RPL4: variants seen among roughly 807,000 people sequenced by gnomAD.
RPL4 encodes the protein ribosomal protein L4.
RPL4 carries 3 observed loss-of-function variants against 47.7 expected under a neutral mutation model. The observed-to-expected ratio is 0.06, with a 90% CI of 0.03 to 0.16. RPL4 has a LOEUF of 0.16. Ranked by LOEUF, RPL4 falls within the 10% of genes least tolerant of loss-of-function variation. RPL4 has a pLI of 1.00. For synonymous variants in RPL4, 208 were observed against 182.1 expected, an observed-to-expected ratio of 1.14 and a Z score of -1.15; for missense variants, 413 against 551.3, an observed-to-expected ratio of 0.75 and a Z score of 2.51.
At position 66,504,815 on chromosome 15, in the gene RPL4, T is replaced by A. The variant is rs779273302; in HGVS notation, c.-25A>T. ...TGGCGGAGAGAGGAGACAGCCACGC[T>A]CCTCTCAGCCCGGCTGCTGCCACAG... is the stretch of plus-strand genomic sequence containing the variant. On this transcript the variant is annotated 5_prime_UTR_variant, in exon 1 of 10. Coordinates refer to ENST00000307961, the MANE Select transcript of RPL4 (RefSeq NM_000968.4). 4 of 1,610,086 alleles carry A rather than the reference T, an allele frequency of 2.5e-6. No homozygotes were observed. Among genetic ancestry groups the A allele is most frequent in the Admixed American group, 1.7e-5 (1 of 59,698 alleles).
chr15:66,499,937 T>C, intron 9 of RPL4, 119 bp downstream of exon 9: 1 of 1,268,988 alleles, frequency 7.9e-7, no homozygotes, highest in South Asian at 1.4e-5. Flanking sequence ...ACAGAAGAAC[T>C]GCTTGAACTT....
In RPL4 at chr15:66,503,503, C is replaced by T; in HGVS notation, c.30G>A (p.Val10=). 1.9e-6 allele frequency: 3 copies of T among 1,606,246 alleles called. No individual in the cohort carries two copies. Among genetic ancestry groups the T allele is most frequent in the Non-Finnish European group, 2.6e-6 (3 of 1,173,760 alleles). MACARPLIS[V]YSEKGESSGK... Reference sequence around the variant, plus strand: ...CAGATGACTCCCCCTTTTCGGAGTACACCGATATCAGTGGGCGAGCACACG... The same window carrying T: ...CAGATGACTCCCCCTTTTCGGAGTATACCGATATCAGTGGGCGAGCACACG... Residue 10 remains valine, a synonymous_variant, in exon 2 of 10, where the codon GTG becomes GTA. Coordinates refer to ENST00000307961, the MANE Select transcript of RPL4 (RefSeq NM_000968.4).
chr15:66,504,755 G>C (rs367993921), intron 1 of RPL4, 33 bp downstream of exon 1: 28 of 1,610,696 alleles, frequency 1.7e-5, no homozygotes, highest in Non-Finnish European at 2.3e-5. Context: ...CCCGAGATAC[G>C]GGGTAAGGCC....
At chr15:66,500,497 C>G in intron 7 of RPL4, 121 bp from the exon 8 acceptor site, 1 of 862,456 alleles carries the variant, frequency 1.2e-6, no homozygotes, top group South Asian at 1.6e-5. Context: ...TATCACTTCT[C>G]ATAAACATGG....
In RPL4 at chr15:66,503,083, C is replaced by T. The variant is rs774997920; in HGVS notation, c.257G>A (p.Arg86His). ...GTTTCCAAAAGCACCCTGGCCAGAG[C>T]GGTGAGTCCCACCACCTCGAACTCT... The part of the protein sequence containing the change: ...IPRVRGGGTH[R>H]SGQGAFGNMC... Residue 86 changes from arginine (R) to histidine (H), a missense_variant, in exon 3 of 10, where the codon CGC becomes CAC. By Grantham distance (29) the Arg-to-His change is conservative. Coordinates refer to ENST00000307961, the MANE Select transcript of RPL4 (RefSeq NM_000968.4). 12 of 1,613,732 alleles carry T rather than the reference C, an allele frequency of 7.4e-6. No homozygotes were observed. The highest frequency in any genetic ancestry group is 1.3e-5 in the African/African-American group (1 of 74,886).
chr15:66,504,731 C>A, intron 1 of RPL4, 57 bp downstream of exon 1: 1 of 1,604,500 alleles, frequency 6.2e-7, no homozygotes, highest in South Asian at 1.1e-5. Context: ...AACCCCAAAT[C>A]CTTCCTTACT....
chr15:66,502,054 G>A (rs1258931159), intron 4 of RPL4, 142 bp from the exon 5 acceptor site: 1 of 1,103,508 alleles, frequency 9.1e-7, no homozygotes, highest in African/African-American at 1.5e-5. Flanking sequence ...ATGTGTTTCA[G>A]AAACACGGAC....
chr15:66,502,926 T>A, intron 3 of RPL4, 132 bp downstream of exon 3: 1 of 1,285,610 alleles, frequency 7.8e-7, no homozygotes, highest in South Asian at 1.2e-5. Flanking sequence ...AATAACCCCA[T>A]ATAAATGAAG....
In RPL4 at chr15:66,500,281, G is replaced by T. The variant is rs762735368; in HGVS notation, c.917+12C>A. 21 of 1,613,766 alleles carry T rather than the reference G, an allele frequency of 1.3e-5. No individual in the cohort carries two copies. In the South Asian group the frequency reaches 2.2e-4, roughly 17 times the overall value. On this transcript the variant is annotated intron_variant, in intron 8 of 9. Transcript: ENST00000307961. ...GGTTGGGGCGAGAATTACACTCTAA[G>T]TATCACTTTACCGTGGTGCTCGAAG...
intron 3 of RPL4, 113 bp downstream of exon 3, chr15:66,502,945 C>T (rs766943764): frequency 3.0e-6 from 4 of 1,323,538 alleles, no homozygotes; most frequent in East Asian, 2.3e-5. Flanking sequence ...AGCCCCTTCT[C>T]TTCAAGACAA....
rs1197826877 is a variant in RPL4, at chr15:66,500,865, T to G, written c.833+84A>C. On this transcript the variant is annotated intron_variant, in intron 7 of 9. Coordinates refer to ENST00000307961, the MANE Select transcript of RPL4 (RefSeq NM_000968.4). Reference sequence around the variant, plus strand: ...TGCTGCACATAAGGGGAAATGGGAATAAATTTAGAAAACATGTAAGCCAAT... The same window carrying G: ...TGCTGCACATAAGGGGAAATGGGAAGAAATTTAGAAAACATGTAAGCCAAT... 6 of 1,494,652 alleles carry G rather than the reference T, an allele frequency of 4.0e-6. No individual in the cohort carries two copies. In the African/African-American group the frequency reaches 7.0e-5, roughly 17 times the overall value. The allele number at this position is 1,494,652 out of a possible 1,614,324, so 92.6% of individuals were successfully genotyped here.
In RPL4 at chr15:66,500,157, C is replaced by G. The variant is rs1426972035; in HGVS notation, c.937G>C (p.Val313Leu). 5 of 1,613,678 alleles carry G rather than the reference C, an allele frequency of 3.1e-6. No homozygotes were observed. The highest frequency in any genetic ancestry group is 1.3e-5 in the African/African-American group (1 of 74,918). The change falls in exon 9 of 10, where the codon GTC (valine) becomes CTC (leucine). Residue 313 changes from valine (V) to leucine (L), a missense_variant. Val to Leu is a conservative substitution (Grantham distance 32). Around this residue, in one of 4 missense-constraint regions of RPL4, gnomAD observed 214 missense variants for 304.2 expected, o/e 0.70. Coordinates refer to ENST00000307961, the MANE Select transcript of RPL4 (RefSeq NM_000968.4). ...TTTTTCAGTGGGTTCTTCTTTAGGA[C>G]TCTGCGATGGATCTTCTTGCTATAA... Reference protein sequence around the residue: ...RAPRKKIHRRVLKKNPLKNLR... With the variant: ...RAPRKKIHRRLLKKNPLKNLR...
At position 66,498,195 on chromosome 15, in the gene RPL4, A is replaced by T. The variant is rs1201192926; in HGVS notation, c.*1212T>A. 5.8e-6 allele frequency: 1 copy of T among 172,382 alleles called. No individual in the cohort carries two copies. The highest frequency in any genetic ancestry group is 1.3e-5 in the Non-Finnish European group (1 of 79,456). The allele number at this position is 172,382 out of a possible 1,614,324, so 10.7% of individuals were successfully genotyped here. On this transcript the variant is annotated 3_prime_UTR_variant, in exon 10 of 10. Transcript: ENST00000307961. ...ACCAAATCAGTAGCACATGAACTCT[A>T]CTGTGTTAAGAGGCCCTGCAGGGTA...
At chr15:66,502,065 C>A in intron 4 of RPL4, 153 bp from the exon 5 acceptor site, 1 of 987,694 alleles carries the variant, frequency 1.0e-6, no homozygotes, top group Non-Finnish European at 1.6e-6. Flanking sequence ...AAACACGGAC[C>A]AATTAAGTGG....
Position 66,499,669 on chromosome 15 carries a change from A to G in RPL4, c.1039-17T>C, listed in dbSNP as rs1459543237. 3.5e-5 allele frequency: 57 copies of G among 1,612,936 alleles called. No homozygotes were observed. In the Admixed American group the frequency reaches 9.5e-4, roughly 27 times the overall value. The stretch of plus-strand genomic sequence containing the variant: ...GAGCTTGTGCTGCAACAAATTAGGC[A>G]GAAAACAGTAAGAATCAAATCCCTG... On this transcript the variant is annotated splice_polypyrimidine_tract_variant and intron_variant, in intron 9 of 9. Coordinates refer to ENST00000307961, the MANE Select transcript of RPL4 (RefSeq NM_000968.4).
intron 1 of RPL4, among the ~76,000 whole-genome samples, chr15:66,503,964 C>T (rs972593643): frequency 2.0e-5 from 3 of 152,150 alleles, no homozygotes; most frequent in Non-Finnish European, 4.4e-5. Context: ...TTGTTTAAAC[C>T]TCCAAGTCTT....
intron 9 of RPL4, 200 bp from the exon 10 acceptor site, chr15:66,499,852 G>A (rs1012822599): frequency 3.3e-5 from 30 of 900,202 alleles, no homozygotes; most frequent in South Asian, 8.8e-5. Context: ...GTGACACCCC[G>A]TCTCTACTGA....
intron 7 of RPL4, chr15:66,500,709 G>C: frequency 1.8e-6 from 1 of 560,320 alleles, no homozygotes. Flanking sequence ...TTGAACCCGG[G>C]AGGCGGAGGC....
At chr15:66,503,005 G>A in intron 3 of RPL4, 53 bp downstream of exon 3, 1 of 1,524,572 alleles carries the variant, frequency 6.6e-7, no homozygotes, top group African/African-American at 1.4e-5. Context: ...CCAGACCCAG[G>A]CCGCTAAATT....
Sources: allele counts gnomAD v4.1 joint callset (sites outside exome capture counted in the v4.1 genomes callset), GRCh38; gene constraint gnomAD v4.1.1; regional missense constraint gnomAD v4.1.1; transcripts MANE v1.5; gene names NCBI Gene and HGNC (gene_info 2026-07-23, HGNC 2026-07-21).